FGF10: variants seen among roughly 807,000 people sequenced by gnomAD.
FGF10 encodes the protein FGF-10.
Under a neutral mutation model 19.8 loss-of-function variants are expected in FGF10, and 2 were observed. The ratio of observed to expected loss-of-function variants is 0.10; its 90% CI spans 0.04 to 0.32. FGF10 has a LOEUF of 0.32. Ranked by LOEUF, FGF10 falls within the 10% of genes least tolerant of loss-of-function variation. FGF10 has a pLI of 1.00. For synonymous variants in FGF10, 112 were observed against 94.0 expected (o/e 1.19, Z -1.10); for missense variants, 191 against 246.3 (o/e 0.78, Z 1.50).
At chr5:44,309,902 G>A (rs1174535943) in intron 2 of FGF10, among the ~76,000 whole-genome samples, 2 of 151,954 alleles carry the variant, frequency 1.3e-5, no homozygotes, top group Admixed American at 6.6e-5. Context: ...TGATTTTGAG[G>A]CATAATTTGA....
chr5:44,308,121 T>C (rs1740125320), intron 2 of FGF10, among the ~76,000 whole-genome samples: 1 of 152,250 alleles, frequency 6.6e-6, no homozygotes, highest in African/African-American at 2.4e-5. Context: ...CCACTGCAGA[T>C]AATAGAAAGC....
At chr5:44,363,230 A>G (rs1230529726) in intron 1 of FGF10, among the ~76,000 whole-genome samples, 1 of 151,804 alleles carries the variant, frequency 6.6e-6, no homozygotes, top group East Asian at 1.9e-4. Flanking sequence ...AACTTGCAAT[A>G]TAAAACATAA....
At chr5:44,364,642 T>C (rs1173918746) in intron 1 of FGF10, among the ~76,000 whole-genome samples, 4 of 151,882 alleles carry the variant, frequency 2.6e-5, no homozygotes. Flanking sequence ...GAAAGAGAAT[T>C]CTAGTTTAAG....
chr5:44,346,488 A>G (rs1346258129), intron 1 of FGF10, among the ~76,000 whole-genome samples: 7 of 151,818 alleles, frequency 4.6e-5, no homozygotes, highest in Non-Finnish European at 7.4e-5. Context: ...GGCCTACATG[A>G]CCAGGATCTA....
chr5:44,341,887 G>T (rs1740979857), intron 1 of FGF10, among the ~76,000 whole-genome samples: 1 of 151,850 alleles, frequency 6.6e-6, no homozygotes, highest in Non-Finnish European at 1.5e-5. Flanking sequence ...ATTATTTAAG[G>T]TATGGAAAGT....
At chr5:44,371,942 T>C (rs1226100135) in intron 1 of FGF10, among the ~76,000 whole-genome samples, 2 of 152,130 alleles carry the variant, frequency 1.3e-5, no homozygotes, top group East Asian at 1.9e-4. Flanking sequence ...CTTAGTACTA[T>C]CTACCACAAG....
intron 1 of FGF10, among the ~76,000 whole-genome samples, chr5:44,353,808 G>C (rs191458937): frequency 5.6e-4 from 85 of 151,404 alleles, no homozygotes; most frequent in Admixed American, 1.7e-3. Flanking sequence ...GCTGGGGGGC[G>C]GGGGCTCTTC....
At chr5:44,349,717 T>TA (rs1319811374) in intron 1 of FGF10, among the ~76,000 whole-genome samples, 8 of 150,760 alleles carry the variant, frequency 5.3e-5, no homozygotes, top group Admixed American at 2.7e-4. Flanking sequence ...TATCTATCAA[T>TA]AACTTAAAAA....
At chr5:44,317,080 G>T (rs180882589) in intron 1 of FGF10, among the ~76,000 whole-genome samples, 175 of 152,244 alleles carry the variant, frequency 1.1e-3, no homozygotes, top group African/African-American at 4.2e-3. Context: ...GCTCTAGAAT[G>T]ATCTCATTGC....
intron 1 of FGF10, among the ~76,000 whole-genome samples, chr5:44,338,321 A>G (rs757564540): frequency 6.6e-6 from 1 of 152,176 alleles, no homozygotes; most frequent in Non-Finnish European, 1.5e-5. Flanking sequence ...ATTTTCTACA[A>G]CCAATATTTA....
At chr5:44,327,646 T>A (rs1473895075) in intron 1 of FGF10, among the ~76,000 whole-genome samples, 1 of 152,214 alleles carries the variant, frequency 6.6e-6, no homozygotes, top group Non-Finnish European at 1.5e-5. Context: ...TTAACAGCTT[T>A]CTGACATGGT....
At chr5:44,327,000 G>A (rs1037463896) in intron 1 of FGF10, among the ~76,000 whole-genome samples, 1 of 152,080 alleles carries the variant, frequency 6.6e-6, no homozygotes, top group East Asian at 1.9e-4. Flanking sequence ...TCTCAACTCT[G>A]CCCAGGGTAC....
chr5:44,331,765 T>C lies in FGF10; in HGVS notation c.326-21235A>G, dbSNP rs138081465. Among the ~76,000 whole-genome samples, 1,083 of 152,174 alleles carry C rather than the reference T, an allele frequency of 7.1e-3. 11 individuals carry two copies. The highest frequency in any genetic ancestry group is 0.023 in the African/African-American group (959 of 41,530). ...TGTGGGATTGAAAATTAAAAGCAGTTACCAGCCGGCTGTTAATAACACATA... is the reference window on the plus strand; with the variant it reads ...TGTGGGATTGAAAATTAAAAGCAGTCACCAGCCGGCTGTTAATAACACATA... On this transcript the variant is annotated intron_variant, in intron 1 of 2. Coordinates refer to ENST00000264664, the MANE Select transcript of FGF10 (RefSeq NM_004465.2).
intron 1 of FGF10, among the ~76,000 whole-genome samples, chr5:44,344,191 C>G (rs999605674): frequency 5.9e-5 from 9 of 151,874 alleles, no homozygotes; most frequent in Non-Finnish European, 1.3e-4. Context: ...ACTGAAAACA[C>G]AGAAAAGCTG....
At chr5:44,343,052 C>T (rs1741004147) in intron 1 of FGF10, among the ~76,000 whole-genome samples, 1 of 151,810 alleles carries the variant, frequency 6.6e-6, no homozygotes, top group Admixed American at 6.6e-5. Flanking sequence ...GTGTGTGTTG[C>T]CCTTACATGA....
chr5:44,378,683 G>C (rs893669428), intron 1 of FGF10, among the ~76,000 whole-genome samples: 1 of 152,070 alleles, frequency 6.6e-6, no homozygotes, highest in Non-Finnish European at 1.5e-5. Context: ...TGCCCTCCTC[G>C]GCCTCCAAAA....
intron 1 of FGF10, among the ~76,000 whole-genome samples, chr5:44,377,419 A>G (rs1351897465): frequency 6.6e-6 from 1 of 152,266 alleles, no homozygotes; most frequent in East Asian, 1.9e-4. Flanking sequence ...AGAACTAAGT[A>G]TCTGTGATAA....
intron 1 of FGF10, among the ~76,000 whole-genome samples, chr5:44,324,914 T>C (rs1222799536): frequency 6.6e-6 from 1 of 152,194 alleles, no homozygotes; most frequent in Non-Finnish European, 1.5e-5. Flanking sequence ...CCTCTTTTTT[T>C]GCTAATTCTT....
chr5:44,329,380 T>C (rs1740682137), intron 1 of FGF10, among the ~76,000 whole-genome samples: 1 of 152,134 alleles, frequency 6.6e-6, no homozygotes, highest in Non-Finnish European at 1.5e-5. Flanking sequence ...TTTCACCATG[T>C]TTGTCAGGCT....
Sources: gnomAD v4.1 joint callset for allele counts (sites outside exome capture counted in the v4.1 genomes callset) on GRCh38, gnomAD v4.1.1 for gene constraint, MANE v1.5 for transcripts, NCBI Gene and HGNC (gene_info 2026-07-23, HGNC 2026-07-21) for gene names.